Variants in STAU2 observed in about 807,000 individuals in gnomAD.
The protein encoded by STAU2 is staufen double-stranded RNA binding protein 2.
A neutral mutation model predicts 65.9 loss-of-function variants in STAU2; 20 were observed. The ratio of observed to expected loss-of-function variants is 0.30; its 90% CI spans 0.21 to 0.44. The LOEUF is 0.44. Ranked by LOEUF, STAU2 falls within the 20% of genes least tolerant of loss-of-function variation. The pLI, the probability that STAU2 is intolerant of heterozygous loss-of-function variation, is 1.00. For synonymous variants in STAU2, 232 were observed against 233.9 expected (o/e 0.99, Z 0.07); for missense variants, 558 against 683.9 (o/e 0.82, Z 2.05).
chr8:73,525,218 A>T (rs2128930361), intron 13 of STAU2, among the ~76,000 whole-genome samples: 1 of 152,352 alleles, frequency 6.6e-6, no homozygotes, highest in South Asian at 2.1e-4. Flanking sequence ...CAAATTTGTC[A>T]TCTATAAAAT....
intron 6 of STAU2, chr8:73,651,596 A>G: frequency 1.4e-6 from 1 of 714,032 alleles, no homozygotes; most frequent in Non-Finnish European, 2.4e-6. Context: ...CCAGACTCTG[A>G]TGCTGTCCCC....
chr8:73,600,248 C>T (rs1259444319), intron 10 of STAU2, among the ~76,000 whole-genome samples: 2 of 152,210 alleles, frequency 1.3e-5, no homozygotes, highest in African/African-American at 4.8e-5. Context: ...GTTCATACAG[C>T]ACATGAAACG....
At chr8:73,737,401 C>A (rs1806511692) in intron 3 of STAU2, among the ~76,000 whole-genome samples, 1 of 150,214 alleles carries the variant, frequency 6.7e-6, no homozygotes. Context: ...GGACTCCCGA[C>A]CTCAGGTGAT....
intron 13 of STAU2, among the ~76,000 whole-genome samples, chr8:73,451,188 T>A (rs542257884): frequency 1.1e-3 from 163 of 152,352 alleles, no homozygotes; most frequent in African/African-American, 3.7e-3. Context: ...TTGTGCTTTC[T>A]ACTTTTTGAA....
intron 13 of STAU2, among the ~76,000 whole-genome samples, chr8:73,480,904 C>T (rs1415036750): frequency 6.6e-6 from 1 of 152,122 alleles, no homozygotes; most frequent in Non-Finnish European, 1.5e-5. Context: ...ACAAATCAAG[C>T]TGGCTTAAAC....
At position 73,615,761 on chromosome 8, in the gene STAU2, C is replaced by T. The variant is rs949493; in HGVS notation, c.592G>A (p.Val198Met). 0.9 allele frequency: 1,455,220 copies of T among 1,612,322 alleles called. 658,431 individuals are homozygous for T. Among genetic ancestry groups the T allele is most frequent in the East Asian group, 0.97 (43,408 of 44,854 alleles). Residue 198 changes from valine (V) to methionine (M), a missense_variant, in exon 8 of 15, where the codon GTG becomes ATG. By Grantham distance (21) the Val-to-Met change is conservative. Around this residue, in one of 3 missense-constraint regions of STAU2, gnomAD observed 199 missense variants for 299.5 expected, o/e 0.66. Coordinates refer to ENST00000524300, the MANE Select transcript of STAU2 (RefSeq NM_001164380.2). Reference protein sequence around the residue: ...SPQNGESGKDVDDDKDANKSE... With the variant: ...SPQNGESGKDMDDDKDANKSE... ...TTATTTGCATCTTTGTCATCATCCA[C>T]ATCCTTTCCTGATTCACCATTCTAA...
intron 4 of STAU2, among the ~76,000 whole-genome samples, chr8:73,699,789 G>C (rs1432527538): frequency 6.7e-6 from 1 of 149,018 alleles, no homozygotes; most frequent in Non-Finnish European, 1.5e-5. Context: ...GAAAAATAGA[G>C]GAGGACGGAA....
chr8:73,597,504 T>TAAAAAAAAAAAAAAAAAA (rs869107695), intron 10 of STAU2, among the ~76,000 whole-genome samples: 1 of 87,698 alleles, frequency 1.1e-5, no homozygotes, highest in African/African-American at 4.0e-5. Flanking sequence ...AATACAAAAA[T>TAAAAAAAAAAAAAAAAAA]AAAAAAAAAA....
chr8:73,631,408 A>G (rs918799396), intron 6 of STAU2, among the ~76,000 whole-genome samples: 2 of 151,990 alleles, frequency 1.3e-5, no homozygotes, highest in Non-Finnish European at 2.9e-5. Flanking sequence ...TAAAAAATGA[A>G]CACCAATGCA....
At chr8:73,668,080 A>AATG (rs949542234) in intron 6 of STAU2, among the ~76,000 whole-genome samples, 8 of 152,154 alleles carry the variant, frequency 5.3e-5, no homozygotes, top group African/African-American at 1.9e-4. Flanking sequence ...ACCAAGTTTG[A>AATG]ATGATTAATT....
At chr8:73,725,032 T>C (rs1805527447) in intron 3 of STAU2, among the ~76,000 whole-genome samples, 1 of 152,194 alleles carries the variant, frequency 6.6e-6, no homozygotes, top group African/African-American at 2.4e-5. Context: ...ATTTTCATCT[T>C]ACAATGGGTT....
At chr8:73,577,611 T>C (rs1195029224) in intron 12 of STAU2, among the ~76,000 whole-genome samples, 1 of 152,090 alleles carries the variant, frequency 6.6e-6, no homozygotes, top group Non-Finnish European at 1.5e-5. Context: ...TTTCCGTATG[T>C]TTTAGCCAAG....
chr8:73,436,833 C>T (rs1022456304), intron 13 of STAU2, among the ~76,000 whole-genome samples: 3 of 152,034 alleles, frequency 2.0e-5, no homozygotes, highest in East Asian at 3.9e-4. Flanking sequence ...GTGATCTGCC[C>T]GCCTCAACCT....
At position 73,735,997 on chromosome 8, in the gene STAU2, A is replaced by G. The variant is rs566095784; in HGVS notation, c.-18+2287T>C. Among the ~76,000 whole-genome samples the G allele has an allele frequency of 2.0e-5, 3 of 152,360 alleles. No individual in the cohort carries two copies. In the South Asian group the frequency reaches 6.2e-4, roughly 32 times the overall value. On this transcript the variant is annotated intron_variant, in intron 3 of 14. Transcript: ENST00000524300. ...TTCACAGCTATAACAGTTTGCAAAT[A>G]AGGTCTCATAATGCTTCCACTGGGA...
chr8:73,545,345 C>A (rs1227719052), intron 13 of STAU2, among the ~76,000 whole-genome samples: 1 of 151,798 alleles, frequency 6.6e-6, no homozygotes, highest in African/African-American at 2.4e-5. Flanking sequence ...CCAGCCTGTA[C>A]TTTTCTTATG....
At chr8:73,676,854 C>T (rs1818060904) in intron 5 of STAU2, among the ~76,000 whole-genome samples, 1 of 152,186 alleles carries the variant, frequency 6.6e-6, no homozygotes, top group East Asian at 1.9e-4. Context: ...CCTTGGCCTC[C>T]CAAAGTGCTG....
rs193276080 is a variant in STAU2 at position 73,604,339 on chromosome 8, G to A, written c.892-476C>T. On this transcript the variant is annotated intron_variant, in intron 9 of 14. Transcript: ENST00000524300. ...CACCTGCCGGGTTCAAGCGATTCTC[G>A]TGCCTCAGCCTCCCAAATAGCTGGA... Among the ~76,000 whole-genome samples the A allele has an allele frequency of 5.3e-5, 8 of 151,946 alleles. No individual in the cohort carries two copies. In the East Asian group the frequency reaches 7.8e-4, roughly 15 times the overall value.
intron 4 of STAU2, among the ~76,000 whole-genome samples, chr8:73,699,230 T>C (rs1329019394): frequency 1.3e-5 from 2 of 149,642 alleles, no homozygotes; most frequent in East Asian, 2.0e-4. Flanking sequence ...AGTGGAAAAA[T>C]TTCAAACAAA....
intron 13 of STAU2, among the ~76,000 whole-genome samples, chr8:73,525,515 A>C (rs1444318923): frequency 6.6e-6 from 1 of 152,190 alleles, no homozygotes; most frequent in Non-Finnish European, 1.5e-5. Context: ...ACTTGGCACA[A>C]GCCCAAACTA....
Sources: gnomAD v4.1 joint callset for allele counts (sites outside exome capture counted in the v4.1 genomes callset) on GRCh38, gnomAD v4.1.1 for gene constraint, gnomAD v4.1.1 regional missense constraint, MANE v1.5 for transcripts, NCBI Gene and HGNC (gene_info 2026-07-23, HGNC 2026-07-21) for gene names.